GLG1: variants seen among roughly 807,000 people sequenced by gnomAD.
The protein encoded by GLG1 is Golgi apparatus protein 1.
GLG1 carries 38 observed loss-of-function variants against 160.5 expected under a neutral mutation model. The observed-to-expected ratio is 0.24, with a 90% CI of 0.18 to 0.31. The LOEUF (loss-of-function observed/expected upper bound fraction) is 0.31. Ranked by LOEUF, GLG1 falls within the 10% of genes least tolerant of loss-of-function variation. The probability of loss-of-function intolerance (pLI) is 1.00; values close to 1 mark genes in which losing one functional copy is unlikely to be tolerated. For synonymous variants in GLG1, 644 were observed against 543.4 expected (o/e 1.19, Z -2.57); for missense variants, 1,373 against 1,505.2 (o/e 0.91, Z 1.45).
In GLG1 at chr16:74,451,983, A is replaced by C; in HGVS notation, c.*1184T>G. On this transcript the variant is annotated 3_prime_UTR_variant, in exon 26 of 26. Transcript: ENST00000422840. ...AAATCCTCCATCTTTTAATGTGATAACTTTCCACACCCTCTCCACGTAGAG... is the reference window on the plus strand; with the variant it reads ...AAATCCTCCATCTTTTAATGTGATACCTTTCCACACCCTCTCCACGTAGAG... The C allele has an allele frequency of 9.1e-7, 1 of 1,104,454 alleles. No individual in the cohort carries two copies. The highest frequency in any genetic ancestry group is 2.0e-4 in the Middle Eastern group (1 of 5,002). The allele number at this position is 1,104,454 out of a possible 1,614,324, so 68.4% of individuals were successfully genotyped here. A position where few individuals can be genotyped will look rare whatever the true frequency, so the allele number is the denominator to read the frequency against.
At chr16:74,545,585 G>T (rs2018023241) in intron 1 of GLG1, among the ~76,000 whole-genome samples, 2 of 152,170 alleles carry the variant, frequency 1.3e-5, no homozygotes, top group Non-Finnish European at 2.9e-5. Context: ...TTTAAATTCA[G>T]ATATCTATTT....
intron 2 of GLG1, among the ~76,000 whole-genome samples, chr16:74,511,583 TTTAAA>T (rs778162736): frequency 1.7e-5 from 2 of 116,500 alleles, no homozygotes; most frequent in Non-Finnish European, 3.8e-5. Context: ...ACCTTTTTTT[TTTAAA>T]AAAAAAAAAA....
intron 2 of GLG1, among the ~76,000 whole-genome samples, chr16:74,521,567 C>A (rs1424998882): frequency 6.6e-6 from 1 of 151,922 alleles, no homozygotes; most frequent in African/African-American, 2.4e-5. Flanking sequence ...AATAGAGGAG[C>A]CACTAGTGGG....
At chr16:74,490,934 GC>G (rs1279675291) in intron 8 of GLG1, 66 bp downstream of exon 8, 1 of 1,076,246 alleles carries the variant, frequency 9.3e-7, no homozygotes, top group African/African-American at 1.5e-5. Context: ...AGGTGGGACA[GC>G]ATCAGGAAGA....
chr16:74,452,057 C>A lies in GLG1; in HGVS notation c.*1110G>T, dbSNP rs749883852. 1 of 1,611,072 alleles carries A rather than the reference C, an allele frequency of 6.2e-7. No individual in the cohort carries two copies. Among genetic ancestry groups the A allele is most frequent in the Non-Finnish European group, 8.5e-7 (1 of 1,177,196 alleles). ...GTTTGTCTGGAGTGTGCAGAAAGGT[C>A]AGGCTGGACTGCCTGTCACATCCTG... On this transcript the variant is annotated 3_prime_UTR_variant, in exon 26 of 26. Coordinates refer to ENST00000422840, the MANE Select transcript of GLG1 (RefSeq NM_001145667.2).
At chr16:74,478,380 A>G (rs1030078944) in intron 11 of GLG1, among the ~76,000 whole-genome samples, 36 of 152,212 alleles carry the variant, frequency 2.4e-4, no homozygotes, top group East Asian at 1.2e-3. Context: ...CAGAGGGTAA[A>G]GCAGGTGAAA....
intron 1 of GLG1, among the ~76,000 whole-genome samples, chr16:74,597,780 G>T (rs957038006): frequency 2.0e-5 from 3 of 151,842 alleles, no homozygotes; most frequent in Admixed American, 6.6e-5. Context: ...CGTGAACCCG[G>T]GAGGTGGAGC....
chr16:74,528,947 T>C (rs375430880), intron 2 of GLG1, among the ~76,000 whole-genome samples: 121 of 150,516 alleles, frequency 8.0e-4, no homozygotes, highest in African/African-American at 2.9e-3. Context: ...CTTCGAATAC[T>C]GCTTCTATCC....
chr16:74,467,668 G>A, intron 18 of GLG1, 88 bp downstream of exon 18: 1 of 873,210 alleles, frequency 1.1e-6, no homozygotes, highest in Non-Finnish European at 1.9e-6. Context: ...TGACTAAAAT[G>A]TTACCTTATG....
chr16:74,568,338 C>T (rs1342365699), intron 1 of GLG1, among the ~76,000 whole-genome samples: 1 of 151,906 alleles, frequency 6.6e-6, no homozygotes, highest in African/African-American at 2.4e-5. Flanking sequence ...TAACTCCTAA[C>T]TGATATAGTG....
intron 9 of GLG1, 133 bp downstream of exon 9, chr16:74,485,663 G>T: frequency 5.5e-6 from 4 of 722,942 alleles, no homozygotes; most frequent in African/African-American, 1.8e-5. Context: ...AATAAAAGTT[G>T]GTGTATGTTC....
intron 14 of GLG1, among the ~76,000 whole-genome samples, chr16:74,472,082 T>G (rs1289412175): frequency 6.6e-6 from 1 of 152,124 alleles, no homozygotes; most frequent in Non-Finnish European, 1.5e-5. Context: ...TTTTTTCTAT[T>G]TTTTGTAGAG....
chr16:74,498,635 C>A (rs1305120961), intron 4 of GLG1, among the ~76,000 whole-genome samples: 3 of 148,570 alleles, frequency 2.0e-5, no homozygotes, highest in East Asian at 4.0e-4. Flanking sequence ...GAGGCCGAGG[C>A]GGGTGGATCA....
rs112665450 is a variant in GLG1, at chr16:74,503,517, G to A, written c.774+14C>T. 3.7e-5 allele frequency: 56 copies of A among 1,533,552 alleles called. No individual in the cohort carries two copies. Among genetic ancestry groups the A allele is most frequent in the African/African-American group, 1.2e-4 (9 of 73,416 alleles). 95.0% of individuals were successfully genotyped at this position (1,533,552 alleles called of 1,614,324 possible). ...TTAAGACCCCTTTGTTGAAGCTAAC[G>A]TAGTATTAGATACCTTTTCTCCAAG... On this transcript the variant is annotated intron_variant, in intron 4 of 25. Coordinates refer to ENST00000422840, the MANE Select transcript of GLG1 (RefSeq NM_001145667.2).
At chr16:74,510,654 G>C (rs1490279447) in intron 2 of GLG1, among the ~76,000 whole-genome samples, 2 of 152,142 alleles carry the variant, frequency 1.3e-5, no homozygotes, top group Non-Finnish European at 2.9e-5. Flanking sequence ...TTAAATATCT[G>C]CTTGGCAATG....
intron 1 of GLG1, among the ~76,000 whole-genome samples, chr16:74,569,033 C>T (rs2018742981): frequency 6.6e-6 from 1 of 152,210 alleles, no homozygotes; most frequent in Non-Finnish European, 1.5e-5. Flanking sequence ...ATCAAAATGA[C>T]TGAAGGGCCG....
At chr16:74,526,729 G>A (rs2017346657) in intron 2 of GLG1, among the ~76,000 whole-genome samples, 2 of 152,144 alleles carry the variant, frequency 1.3e-5, no homozygotes, top group Non-Finnish European at 2.9e-5. Context: ...GTCTCAAAAA[G>A]CAAAACAAAA....
chr16:74,481,056 C>T (rs2015581687), intron 10 of GLG1, among the ~76,000 whole-genome samples: 1 of 152,140 alleles, frequency 6.6e-6, no homozygotes, highest in African/African-American at 2.4e-5. Context: ...GTTATAGCCA[C>T]CACCAGGCAA....
intron 4 of GLG1, among the ~76,000 whole-genome samples, chr16:74,501,827 G>C (rs1334220400): frequency 6.6e-6 from 1 of 152,186 alleles, no homozygotes. Flanking sequence ...GTCATTTTGA[G>C]AGTCTGCTGG....
Sources: gnomAD v4.1 joint callset for allele counts (sites outside exome capture counted in the v4.1 genomes callset) on GRCh38, gnomAD v4.1.1 for gene constraint, MANE v1.5 for transcripts, NCBI Gene and HGNC (gene_info 2026-07-23, HGNC 2026-07-21) for gene names.